The following RALGAPB variants were observed in gnomAD, a reference collection of about 807,000 sequenced individuals.
RALGAPB encodes Ral GTPase activating protein non-catalytic subunit beta.
A neutral mutation model predicts 161.1 loss-of-function variants in RALGAPB; 25 were observed. That is an observed-to-expected ratio of 0.16 (90% confidence interval 0.11 to 0.22). The LOEUF (loss-of-function observed/expected upper bound fraction) is 0.22. RALGAPB is among the 10% of genes least tolerant of loss of function. The probability of loss-of-function intolerance (pLI) is 1.00; values close to 1 mark genes in which losing one functional copy is unlikely to be tolerated. For missense variants in RALGAPB, 1,391 were observed against 1,815.2 expected (o/e 0.77, Z 4.25); for synonymous variants, 629 against 626.1 (o/e 1.00, Z -0.07).
chr20:38,542,224 A>T (rs1369460473), intron 18 of RALGAPB, among the ~76,000 whole-genome samples: 1 of 152,186 alleles, frequency 6.6e-6, no homozygotes, highest in African/African-American at 2.4e-5. Context: ...GGGCTGGGGC[A>T]TCTTGGTCTT....
At chr20:38,567,405 C>CA (rs1228789230) in intron 26 of RALGAPB, among the ~76,000 whole-genome samples, 173 bp downstream of exon 26, 2 of 152,144 alleles carry the variant, frequency 1.3e-5, no homozygotes, top group Non-Finnish European at 2.9e-5. Context: ...CAGCCTGTAA[C>CA]AAATAGTTCA....
At chr20:38,517,691 G>C (rs1330416230) in intron 8 of RALGAPB, 37 bp downstream of exon 8, 1 of 1,611,102 alleles carries the variant, frequency 6.2e-7, no homozygotes, top group East Asian at 2.2e-5. Context: ...GCTATATAAG[G>C]TTGGCTTTTT....
chr20:38,546,344 C>T lies in RALGAPB; in HGVS notation c.2816C>T (p.Thr939Ile). Residue 939 changes from threonine (T) to isoleucine (I), a missense_variant, in exon 19 of 30, where the codon ACC (threonine) becomes ATC (isoleucine). Coordinates refer to ENST00000262879, the MANE Select transcript of RALGAPB (RefSeq NM_020336.4). ...TTLIKYSRLPTINKHSFRYFV... is the reference protein window; with the variant it reads ...TTLIKYSRLPIINKHSFRYFV... ...TTGATTAAATACTCCAGGCTGCCAA[C>T]CATAAACAAGCATAGTTTCCGGTAC... The T allele has an allele frequency of 2.5e-6, 4 of 1,614,100 alleles. No homozygotes were observed. Among genetic ancestry groups the T allele is most frequent in the Non-Finnish European group, 1.7e-6 (2 of 1,179,996 alleles).
chr20:38,571,678 T>C (rs2145540540), intron 28 of RALGAPB, among the ~76,000 whole-genome samples: 1 of 152,328 alleles, frequency 6.6e-6, no homozygotes, highest in South Asian at 2.1e-4. Flanking sequence ...GGAGTGCTGC[T>C]ATCTCTTTGA....
At chr20:38,501,216 A>C (rs1410961398) in intron 5 of RALGAPB, among the ~76,000 whole-genome samples, 4 of 152,256 alleles carry the variant, frequency 2.6e-5, no homozygotes, top group Non-Finnish European at 5.9e-5. Context: ...GTGCCTGGCA[A>C]GCTGAAGCCA....
chr20:38,528,911 A>T (rs555997557), intron 13 of RALGAPB, among the ~76,000 whole-genome samples: 8 of 152,204 alleles, frequency 5.3e-5, no homozygotes, highest in Admixed American at 5.2e-4. Context: ...TGAACTCCTG[A>T]TAGCAAATGA....
intron 16 of RALGAPB, among the ~76,000 whole-genome samples, chr20:38,535,593 C>CTTT (rs35132331): frequency 1.4e-5 from 2 of 141,096 alleles, no homozygotes; most frequent in African/African-American, 2.6e-5. Flanking sequence ...CTGGCTACAC[C>CTTT]TTTTTTTTTT....
At chr20:38,561,012 T>G (rs984173925) in intron 23 of RALGAPB, among the ~76,000 whole-genome samples, 13 of 152,204 alleles carry the variant, frequency 8.5e-5, no homozygotes, top group African/African-American at 3.1e-4. Context: ...ATGGGTAAAC[T>G]AAATAGGTTC....
At chr20:38,563,909 G>A (rs1463239656) in intron 24 of RALGAPB, among the ~76,000 whole-genome samples, 1 of 152,102 alleles carries the variant, frequency 6.6e-6, no homozygotes. Context: ...GCAATTCCAG[G>A]CTTTACATTC....
At chr20:38,569,783 T>A in intron 26 of RALGAPB, 105 bp from the exon 27 acceptor site, 1 of 778,850 alleles carries the variant, frequency 1.3e-6, no homozygotes, top group Non-Finnish European at 2.2e-6. Flanking sequence ...GACCTGATAC[T>A]TGGTCACTGA....
At chr20:38,540,495 G>A (rs2086932869) in intron 17 of RALGAPB, among the ~76,000 whole-genome samples, 1 of 152,338 alleles carries the variant, frequency 6.6e-6, no homozygotes, top group Non-Finnish European at 1.5e-5. Context: ...TCAAAGGAGA[G>A]ATCATTGGAT....
intron 1 of RALGAPB, among the ~76,000 whole-genome samples, chr20:38,487,939 G>A (rs1203976252): frequency 6.6e-6 from 1 of 152,130 alleles, no homozygotes; most frequent in South Asian, 2.1e-4. Flanking sequence ...GGTGGTGCAT[G>A]CCTGTAATCC....
chr20:38,549,545 A>ATATAT (rs1338350565), intron 20 of RALGAPB, among the ~76,000 whole-genome samples: 91 of 121,948 alleles, frequency 7.5e-4, no homozygotes, highest in African/African-American at 2.4e-3. Flanking sequence ...AAAAAAAAAA[A>ATATAT]AAAAATATAT....
rs562585884 is a variant in RALGAPB, at chr20:38,575,079, T to A, written c.*112T>A. Reference sequence around the variant, plus strand: ...AAACAAATCACTCCCAAGAGCTTACTGTTTAATCACCAGAATAGAAGAAAC... The same window carrying A: ...AAACAAATCACTCCCAAGAGCTTACAGTTTAATCACCAGAATAGAAGAAAC... On this transcript the variant is annotated 3_prime_UTR_variant, in exon 30 of 30. Coordinates refer to ENST00000262879, the MANE Select transcript of RALGAPB (RefSeq NM_020336.4). 5 of 918,772 alleles carry A rather than the reference T, an allele frequency of 5.4e-6. No homozygotes were observed. In the East Asian group the frequency reaches 1.3e-4, roughly 23 times the overall value. The allele number at this position is 918,772 out of a possible 1,614,324, so 56.9% of individuals were successfully genotyped here.
chr20:38,499,694 AT>A, intron 5 of RALGAPB, 61 bp downstream of exon 5: 1 of 1,468,456 alleles, frequency 6.8e-7, no homozygotes, highest in Non-Finnish European at 9.2e-7. Context: ...GCTTTCTGGC[AT>A]TCATGGAATA....
At chr20:38,493,277 G>A (rs1163415401) in intron 3 of RALGAPB, 145 bp downstream of exon 3, 4 of 674,794 alleles carry the variant, frequency 5.9e-6, no homozygotes, top group Non-Finnish European at 9.8e-6. Flanking sequence ...TAATGTGAAT[G>A]TTAGGAGAGA....
intron 11 of RALGAPB, 138 bp from the exon 12 acceptor site, chr20:38,525,266 G>A (rs534772643): frequency 5.5e-5 from 38 of 685,960 alleles, no homozygotes; most frequent in Non-Finnish European, 9.4e-5. Context: ...GTTTAATTCA[G>A]TAACAGTTTA....
At chr20:38,570,244 G>T (rs2088182446) in intron 27 of RALGAPB, among the ~76,000 whole-genome samples, 1 of 152,106 alleles carries the variant, frequency 6.6e-6, no homozygotes, top group Non-Finnish European at 1.5e-5. Context: ...AAAGCTTTTG[G>T]CTATTCATGT....
At position 38,520,024 on chromosome 20, in the gene RALGAPB, G is replaced by A. The variant is rs548728104; in HGVS notation, c.1418-1473G>A. Among the ~76,000 whole-genome samples, 13 of 152,150 alleles carry A rather than the reference G, an allele frequency of 8.5e-5. No individual in the cohort carries two copies. The South Asian group carries it at 1.2e-3, about 15-fold the overall frequency. On this transcript the variant is annotated intron_variant, in intron 9 of 29. Transcript: ENST00000262879. ...TCTTTGTAGTTGTGTAATTTTCTTCGTTCATTGTTTTGCATGATACAAAAA... is the reference window on the plus strand; with the variant it reads ...TCTTTGTAGTTGTGTAATTTTCTTCATTCATTGTTTTGCATGATACAAAAA...
Sources: allele counts gnomAD v4.1 joint callset (sites outside exome capture counted in the v4.1 genomes callset), GRCh38; gene constraint gnomAD v4.1.1; transcripts MANE v1.5; gene names NCBI Gene and HGNC (gene_info 2026-07-23, HGNC 2026-07-21).